HTR3B: variants seen among roughly 807,000 people sequenced by gnomAD.
HTR3B encodes the protein 5-hydroxytryptamine receptor 3B.
In HTR3B, 44 loss-of-function variants were observed where a neutral mutation model predicts 42.8. The observed-to-expected ratio is 1.03, with a 90% confidence interval of 0.81 to 1.32. The LOEUF (loss-of-function observed/expected upper bound fraction) is 1.32, where lower values mean the gene tolerates loss of function less well. Ranked by LOEUF, HTR3B falls within the 40% of genes most tolerant of loss-of-function variation. HTR3B has a pLI of 0.00. For synonymous variants in HTR3B, 203 were observed against 209.0 expected (o/e 0.97, Z 0.25); for missense variants, 527 against 536.5 (o/e 0.98, Z 0.17).
rs1950046100 is a variant in HTR3B at position 113,932,469 on chromosome 11, AG to A, written c.538+12del. On this transcript the variant is annotated intron_variant, in intron 5 of 8. Coordinates refer to ENST00000260191, the MANE Select transcript of HTR3B (RefSeq NM_006028.5). ...GCATTCTGCATACAGGTAAACCATG[AG>A]AGATACCCATTAATGCTAGGTTGGT... The A allele has an allele frequency of 3.1e-6, 5 of 1,605,092 alleles. No individual in the cohort carries two copies. The highest frequency in any genetic ancestry group is 1.3e-5 in the African/African-American group (1 of 74,720).
intron 6 of HTR3B, among the ~76,000 whole-genome samples, chr11:113,941,115 G>GT (rs1183502228): frequency 6.6e-6 from 1 of 152,220 alleles, no homozygotes; most frequent in Non-Finnish European, 1.5e-5. Flanking sequence ...GTGTGAAAGT[G>GT]TCCGGCACAC....
chr11:113,913,400 G>A (rs1279471379), intron 2 of HTR3B, among the ~76,000 whole-genome samples: 1 of 123,522 alleles, frequency 8.1e-6, no homozygotes, highest in Non-Finnish European at 1.6e-5. Context: ...TAGTAGAGAT[G>A]GAGTTTCACC....
chr11:113,904,190 G>GA (rs946228579), upstream of HTR3B, among the ~76,000 whole-genome samples: 127 of 150,380 alleles, frequency 8.4e-4, no homozygotes, highest in African/African-American at 3.0e-3. Context: ...ATCAAAAAGT[G>GA]AAAAAAAAAC....
At chr11:113,929,159 C>T (rs1222631218) in intron 2 of HTR3B, among the ~76,000 whole-genome samples, 1 of 152,144 alleles carries the variant, frequency 6.6e-6, no homozygotes, top group African/African-American at 2.4e-5. Context: ...CAATTTCTCC[C>T]CATCCTCACC....
At position 113,932,411 on chromosome 11, in the gene HTR3B, T is replaced by C. The variant is rs199617762; in HGVS notation, c.491T>C (p.Phe164Ser). ...AGTTTAGAGACATATGCTTTTCCAT[T>C]TGATGTCCAGAATTGCAGCCTGACC... ...ACSLETYAFP[F>S]DVQNCSLTFK... Residue 164 changes from phenylalanine (F) to serine (S), a missense_variant, in exon 5 of 9, where the codon TTT becomes TCT. Phe to Ser is a radical substitution (Grantham distance 155). Transcript: ENST00000260191. 153 of 1,614,006 alleles carry C rather than the reference T, an allele frequency of 9.5e-5. 1 individual carries two copies. The highest frequency in any genetic ancestry group is 2.0e-4 in the Admixed American group (12 of 60,006).
intron 2 of HTR3B, among the ~76,000 whole-genome samples, chr11:113,918,749 T>C (rs538305332): frequency 1.7e-4 from 26 of 151,954 alleles, no homozygotes; most frequent in African/African-American, 6.0e-4. Context: ...CTCCACGTTC[T>C]GGGTTTAAGC....
intron 8 of HTR3B, 79 bp from the exon 9 acceptor site, chr11:113,945,823 G>C: frequency 3.0e-6 from 3 of 985,124 alleles, no homozygotes; most frequent in Non-Finnish European, 4.8e-6. Flanking sequence ...TGAAGGATGA[G>C]GCCATCAGCT....
At chr11:113,936,249 A>G (rs911161877) in intron 6 of HTR3B, among the ~76,000 whole-genome samples, 18 of 152,010 alleles carry the variant, frequency 1.2e-4, no homozygotes, top group African/African-American at 4.4e-4. Context: ...TAGGAATACA[A>G]TTTAGGAACT....
chr11:113,935,410 C>T (rs1044093584), intron 6 of HTR3B, among the ~76,000 whole-genome samples: 2 of 150,444 alleles, frequency 1.3e-5, no homozygotes, highest in Non-Finnish European at 2.9e-5. Context: ...GGCCTCTGCC[C>T]TGGTCCTCAG....
intron 6 of HTR3B, among the ~76,000 whole-genome samples, chr11:113,942,526 A>G (rs1203464821): frequency 6.6e-6 from 1 of 152,246 alleles, no homozygotes; most frequent in Non-Finnish European, 1.5e-5. Flanking sequence ...TTTTAGTTTC[A>G]AAACAGTTTC....
intron 6 of HTR3B, among the ~76,000 whole-genome samples, chr11:113,935,042 G>GCA (rs139606463): frequency 0.046 from 6,915 of 150,410 alleles, 447 homozygotes; most frequent in African/African-American, 0.15. Flanking sequence ...GCACACATGT[G>GCA]CACACACACA....
intron 1 of HTR3B, among the ~76,000 whole-genome samples, chr11:113,906,769 A>C (rs988964399): frequency 5.3e-5 from 8 of 152,276 alleles, no homozygotes; most frequent in Non-Finnish European, 1.0e-4. Context: ...TCACTATGCC[A>C]ATAGTCCCTC....
chr11:113,925,213 C>T (rs1035973746), intron 2 of HTR3B, among the ~76,000 whole-genome samples: 17 of 151,976 alleles, frequency 1.1e-4, no homozygotes, highest in Non-Finnish European at 2.1e-4. Context: ...ATTTTTATGT[C>T]GCTGGATAAT....
rs748555257 is a variant in HTR3B, at chr11:113,945,960, G to A, written c.1149G>A (p.Ser383=). ...AQPGTLKEVW[S]QLQSISNYLQ... ...CAGGAACCCTGAAGGAAGTCTGGTC[G>A]CAGCTTCAATCTATCAGCAACTACC... Residue 383 remains serine (S), a synonymous_variant, in exon 9 of 9, where the codon TCG becomes TCA. Transcript: ENST00000260191. 47 of 1,614,126 alleles carry A rather than the reference G, an allele frequency of 2.9e-5. No homozygotes were observed. The highest frequency in any genetic ancestry group is 1.6e-4 in the Middle Eastern group (1 of 6,062).
chr11:113,903,428 CTT>C (rs57289369), upstream of HTR3B, among the ~76,000 whole-genome samples: 12,046 of 120,968 alleles, frequency 0.1, 572 homozygotes, highest in East Asian at 0.3. Flanking sequence ...CTTTTCTTTT[CTT>C]TTTTTTTTTT....
intron 1 of HTR3B, 30 bp downstream of exon 1, chr11:113,905,015 T>C (rs1949725123): frequency 6.7e-7 from 1 of 1,493,182 alleles, no homozygotes; most frequent in Non-Finnish European, 9.3e-7. Context: ...TTACTAGGCA[T>C]TAAGGATTAA....
At chr11:113,900,866 G>A (rs1020730721), upstream of HTR3B, among the ~76,000 whole-genome samples, 24 of 151,914 alleles carry the variant, frequency 1.6e-4, no homozygotes, top group African/African-American at 4.8e-4. Context: ...CCATGGTGGA[G>A]AGAGAGAGAG....
At chr11:113,921,104 C>A (rs117517757) in intron 2 of HTR3B, among the ~76,000 whole-genome samples, 11,216 of 151,812 alleles carry the variant, frequency 0.074, 591 homozygotes, top group South Asian at 0.19. Context: ...TAAGCCATCC[C>A]GTCCAGCCCA....
chr11:113,932,186 G>A (rs1357340736), intron 4 of HTR3B, 103 bp from the exon 5 acceptor site: 6 of 911,952 alleles, frequency 6.6e-6, no homozygotes, highest in South Asian at 4.8e-5. Context: ...GCAGGGCTAG[G>A]CTGGTCCTGG....
Sources: allele counts gnomAD v4.1 joint callset (sites outside exome capture counted in the v4.1 genomes callset), GRCh38; gene constraint gnomAD v4.1.1; transcripts MANE v1.5; gene names NCBI Gene and HGNC (gene_info 2026-07-23, HGNC 2026-07-21).